SYNPR: variants seen among roughly 807,000 people sequenced by gnomAD.
SYNPR encodes the protein synaptoporin.
A neutral mutation model predicts 32.9 loss-of-function variants in SYNPR; 23 were observed. The observed-to-expected ratio is 0.70, with a 90% confidence interval of 0.50 to 0.99. The LOEUF (loss-of-function observed/expected upper bound fraction) is 0.99, where lower values mean the gene tolerates loss of function less well. Among genes scored for constraint, SYNPR ranks in the 50% least tolerant of loss-of-function variants. The pLI, the probability that SYNPR is intolerant of heterozygous loss-of-function variation, is 0.00. For synonymous variants in SYNPR, 146 were observed against 135.9 expected (o/e 1.07, Z -0.52); for missense variants, 318 against 349.3 (o/e 0.91, Z 0.71).
intron 4 of SYNPR, among the ~76,000 whole-genome samples, chr3:63,585,167 A>G (rs1022837894): frequency 3.3e-5 from 5 of 152,146 alleles, no homozygotes; most frequent in Non-Finnish European, 7.4e-5. Context: ...GTGAAATTCT[A>G]ACAGTTATAT....
chr3:63,520,506 C>G (rs1034704174), intron 3 of SYNPR, among the ~76,000 whole-genome samples: 3 of 151,968 alleles, frequency 2.0e-5, no homozygotes, highest in Admixed American at 2.0e-4. Flanking sequence ...AACCCTGTCT[C>G]TACTAAAAAT....
chr3:63,431,288 T>G (rs920951188), intron 2 of SYNPR, among the ~76,000 whole-genome samples: 10 of 152,172 alleles, frequency 6.6e-5, no homozygotes, highest in Admixed American at 5.2e-4. Context: ...CCTAGCAGAA[T>G]TTTGAACATG....
intron 2 of SYNPR, among the ~76,000 whole-genome samples, chr3:63,456,719 G>A (rs960488993): frequency 1.3e-5 from 2 of 152,028 alleles, no homozygotes; most frequent in Admixed American, 1.3e-4. Flanking sequence ...CTTTGGAAAG[G>A]AGCAGATCTG....
At chr3:63,254,986 G>C (rs1417441568) in intron 2 of SYNPR, among the ~76,000 whole-genome samples, 2 of 152,102 alleles carry the variant, frequency 1.3e-5, no homozygotes, top group African/African-American at 2.4e-5. Context: ...CCTGCCTTTA[G>C]ACACCTTGAT....
chr3:63,504,289 A>C (rs1336954551), intron 3 of SYNPR, among the ~76,000 whole-genome samples: 1 of 152,194 alleles, frequency 6.6e-6, no homozygotes, highest in Non-Finnish European at 1.5e-5. Context: ...AGATCTTGCA[A>C]AGAAAATCTC....
chr3:63,429,074 T>C (rs915388904), intron 2 of SYNPR, among the ~76,000 whole-genome samples: 21 of 152,206 alleles, frequency 1.4e-4, no homozygotes, highest in African/African-American at 5.1e-4. Context: ...ACTGATGTGT[T>C]GGCAAGTTAG....
rs74401619 is a variant in SYNPR at position 63,279,390 on chromosome 3, G to A, written c.84+648G>A. On this transcript the variant is annotated intron_variant, in intron 2 of 5. Coordinates refer to ENST00000478300, the MANE Select transcript of SYNPR (RefSeq NM_001130003.2). ...GGCTTTTCTGATTATACCCAGAAGA[G>A]CCCACCAGCCTGTTTGCCATGGCTT... Among the ~76,000 whole-genome samples, 1,333 of 152,224 alleles carry A rather than the reference G, an allele frequency of 8.8e-3. 24 individuals are homozygous for A. The highest frequency in any genetic ancestry group is 0.029 in the African/African-American group (1,207 of 41,536).
chr3:63,609,106 T>A lies in SYNPR; in HGVS notation c.409-19T>A. On this transcript the variant is annotated intron_variant, in intron 4 of 5. Transcript: ENST00000478300. ...TCACATTTTCTTTTACCATTTTCTA[T>A]TCTGATTTGTTTCTGTAGGACTTCA... 6.3e-7 allele frequency: 1 copy of A among 1,579,912 alleles called. No individual in the cohort carries two copies. The highest frequency in any genetic ancestry group is 8.6e-7 in the Non-Finnish European group (1 of 1,164,432).
At chr3:63,225,745 CA>C (rs1174436996), upstream of SYNPR, among the ~76,000 whole-genome samples, 1 of 152,050 alleles carries the variant, frequency 6.6e-6, no homozygotes, top group Non-Finnish European at 1.5e-5. Context: ...TTGGTCTAGG[CA>C]AAGATTTTAT....
intron 2 of SYNPR, among the ~76,000 whole-genome samples, chr3:63,421,596 A>T (rs1699799295): frequency 6.6e-6 from 1 of 152,172 alleles, no homozygotes; most frequent in African/African-American, 2.4e-5. Flanking sequence ...TTCATTTCCA[A>T]TTGTTGCATA....
At chr3:63,250,085 A>G (rs2086319410) in intron 1 of SYNPR, among the ~76,000 whole-genome samples, 1 of 152,096 alleles carries the variant, frequency 6.6e-6, no homozygotes. Context: ...AATTACATAT[A>G]GCTGGGAGGA....
At chr3:63,249,719 A>G (rs2086316213) in intron 1 of SYNPR, among the ~76,000 whole-genome samples, 1 of 152,160 alleles carries the variant, frequency 6.6e-6, no homozygotes, top group African/African-American at 2.4e-5. Flanking sequence ...ACAAAAATGG[A>G]AACAACATAA....
chr3:63,452,874 A>C lies in SYNPR; in HGVS notation c.85-27958A>C, dbSNP rs79005187. Among the ~76,000 whole-genome samples, 1,218 of 152,254 alleles carry C rather than the reference A, an allele frequency of 8.0e-3. 53 individuals carry two copies. In the East Asian group the frequency reaches 0.12, roughly 15 times the overall value. On this transcript the variant is annotated intron_variant, in intron 2 of 5. Transcript: ENST00000478300. ...AAATACTGGTAAAATGGAGGGAAAA[A>C]ATGGATCTTTTTATGTGTATCTCAA...
chr3:63,211,830 G>A, the SYNPR span, among the ~76,000 whole-genome samples: 1 of 77,414 alleles, frequency 1.3e-5, no homozygotes, highest in South Asian at 3.9e-4. Context: ...TCTAGCATTA[G>A]GTATATCTCC....
rs887083636 is a variant in SYNPR at position 63,615,636 on chromosome 3, G to A, written c.*155G>A. On this transcript the variant is annotated 3_prime_UTR_variant, in exon 6 of 6. Transcript: ENST00000478300. ...TCATTAAGGCAGCAAGTCCTGGGTTGTGAAAAATGATACTTAGAGATGAGG... is the reference window on the plus strand; with the variant it reads ...TCATTAAGGCAGCAAGTCCTGGGTTATGAAAAATGATACTTAGAGATGAGG... 5 of 1,025,418 alleles carry A rather than the reference G, an allele frequency of 4.9e-6. No homozygotes were observed. The highest frequency in any genetic ancestry group is 6.3e-5 in the Admixed American group (2 of 31,846). 63.5% of individuals were successfully genotyped at this position (1,025,418 alleles called of 1,614,324 possible).
chr3:63,404,671 A>G (rs1263720405), intron 2 of SYNPR, among the ~76,000 whole-genome samples: 1 of 152,126 alleles, frequency 6.6e-6, no homozygotes, highest in Non-Finnish European at 1.5e-5. Context: ...ACTTTATAAG[A>G]TATTTTAATT....
intron 2 of SYNPR, among the ~76,000 whole-genome samples, chr3:63,330,528 C>T (rs929428951): frequency 1.3e-5 from 2 of 151,798 alleles, no homozygotes; most frequent in Non-Finnish European, 2.9e-5. Flanking sequence ...TGCTTGAGAC[C>T]GCAGAAAGAG....
At chr3:63,489,420 T>G (rs960037502) in intron 3 of SYNPR, among the ~76,000 whole-genome samples, 5 of 152,182 alleles carry the variant, frequency 3.3e-5, no homozygotes, top group Non-Finnish European at 5.9e-5. Flanking sequence ...TAGAAAGCCA[T>G]CATTGTATAC....
intron 3 of SYNPR, among the ~76,000 whole-genome samples, chr3:63,554,793 T>G (rs1205502240): frequency 6.6e-6 from 1 of 152,142 alleles, no homozygotes; most frequent in Non-Finnish European, 1.5e-5. Flanking sequence ...AATCTGTAAG[T>G]TGCTCTGGGC....
Sources: gnomAD v4.1 joint callset for allele counts (sites outside exome capture counted in the v4.1 genomes callset) on GRCh38, gnomAD v4.1.1 for gene constraint, MANE v1.5 for transcripts, NCBI Gene and HGNC (gene_info 2026-07-23, HGNC 2026-07-21) for gene names.